The following CEP83 variants were observed in gnomAD, a reference collection of about 807,000 sequenced individuals.
The protein encoded by CEP83 is centrosomal protein 83, also known as centrosomal protein of 83 kDa.
CEP83 carries 70 observed loss-of-function variants against 101.9 expected under a neutral mutation model. That is an observed-to-expected ratio of 0.69 (90% CI 0.57 to 0.84). The LOEUF is 0.84. Among genes scored for constraint, CEP83 ranks in the 40% least tolerant of loss-of-function variants. The probability of loss-of-function intolerance (pLI) is 0.00; values close to 1 mark genes in which losing one functional copy is unlikely to be tolerated. For synonymous variants in CEP83, 264 were observed against 267.9 expected, an observed-to-expected ratio of 0.99 and a Z score of 0.14; for missense variants, 715 against 787.2, an observed-to-expected ratio of 0.91 and a Z score of 1.10.
chr12:94,265,847 C>T, the CEP83 span, among the ~76,000 whole-genome samples: 2 of 152,210 alleles, frequency 1.3e-5, no homozygotes, highest in East Asian at 1.9e-4. Context: ...TCATCCCCAC[C>T]GCACCCACCC....
At chr12:94,457,384 A>G (rs1184250756) in intron 1 of CEP83, among the ~76,000 whole-genome samples, 1 of 152,230 alleles carries the variant, frequency 6.6e-6, no homozygotes, top group Non-Finnish European at 1.5e-5. Context: ...AAGCTCATCT[A>G]CTTTTAGGCA....
At chr12:94,340,139 A>G (rs1165328575) in intron 11 of CEP83, among the ~76,000 whole-genome samples, 2 of 152,256 alleles carry the variant, frequency 1.3e-5, no homozygotes, top group Non-Finnish European at 2.9e-5. Context: ...CAAGAAAAAA[A>G]CAGAAAGCCC....
intron 16 of CEP83, among the ~76,000 whole-genome samples, chr12:94,309,481 A>C (rs1209328229): frequency 6.6e-6 from 1 of 152,184 alleles, no homozygotes; most frequent in Non-Finnish European, 1.5e-5. Context: ...TTCACTCTGA[A>C]TCAGTTTCCT....
intron 2 of CEP83, among the ~76,000 whole-genome samples, chr12:94,418,904 G>C (rs956189581): frequency 6.6e-6 from 1 of 152,098 alleles, no homozygotes; most frequent in African/African-American, 2.4e-5. Context: ...TATATAAAAA[G>C]AGTATTTTAA....
intron 7 of CEP83, 137 bp from the exon 8 acceptor site, chr12:94,376,154 A>C: frequency 4.2e-6 from 2 of 479,852 alleles, no homozygotes; most frequent in Admixed American, 8.8e-5. Context: ...ATGTAACAAA[A>C]ATTTTCTCAA....
chr12:94,322,081 T>C (rs922311651), intron 14 of CEP83, among the ~76,000 whole-genome samples: 29 of 152,004 alleles, frequency 1.9e-4, no homozygotes, highest in African/African-American at 6.8e-4. Flanking sequence ...CAGAACACAC[T>C]AACAGGAGGT....
At chr12:94,384,377 T>G (rs960254952) in intron 6 of CEP83, among the ~76,000 whole-genome samples, 1 of 152,182 alleles carries the variant, frequency 6.6e-6, no homozygotes, top group Non-Finnish European at 1.5e-5. Flanking sequence ...CTATAGTTTT[T>G]TTTTAAACCT....
chr12:94,452,688 G>GGCAGGAATTTT (rs1272458148), intron 1 of CEP83, among the ~76,000 whole-genome samples: 4 of 152,128 alleles, frequency 2.6e-5, no homozygotes, highest in Non-Finnish European at 4.4e-5. Context: ...TCAAAGAAAA[G>GGCAGGAATTTT]GCAGGAATTT....
chr12:94,407,093 C>CA (rs1168837678), intron 4 of CEP83, among the ~76,000 whole-genome samples: 5 of 151,896 alleles, frequency 3.3e-5, no homozygotes, highest in Non-Finnish European at 1.5e-5. Flanking sequence ...AGCACAGAGA[C>CA]AAAAAATACT....
chr12:94,445,556 C>A (rs2066737525), intron 1 of CEP83, among the ~76,000 whole-genome samples: 2 of 152,148 alleles, frequency 1.3e-5, no homozygotes, highest in Non-Finnish European at 2.9e-5. Flanking sequence ...ACAAGATATA[C>A]CAGACTCAGG....
chr12:94,336,667 C>G (rs2059461290), intron 11 of CEP83, among the ~76,000 whole-genome samples: 1 of 152,146 alleles, frequency 6.6e-6, no homozygotes, highest in Admixed American at 6.5e-5. Context: ...CATACAAATG[C>G]CAGAAACGAT....
At chr12:94,340,002 A>G (rs2136602954) in intron 11 of CEP83, among the ~76,000 whole-genome samples, 1 of 152,330 alleles carries the variant, frequency 6.6e-6, no homozygotes, top group East Asian at 1.9e-4. Flanking sequence ...TCTTTTCAAG[A>G]TGGAGTCTAA....
At chr12:94,331,580 A>G (rs1402682307) in intron 14 of CEP83, 120 bp downstream of exon 14, 1 of 804,390 alleles carries the variant, frequency 1.2e-6, no homozygotes, top group East Asian at 2.6e-5. Context: ...TGTGTTAGCC[A>G]GGATGGTCTC....
At chr12:94,384,520 G>C (rs187837482) in intron 6 of CEP83, among the ~76,000 whole-genome samples, 3 of 152,068 alleles carry the variant, frequency 2.0e-5, no homozygotes, top group Non-Finnish European at 4.4e-5. Context: ...TCTCCTTTCA[G>C]GGACAGAAAT....
At chr12:94,349,655 T>C (rs1393582809) in intron 11 of CEP83, among the ~76,000 whole-genome samples, 2 of 152,134 alleles carry the variant, frequency 1.3e-5, no homozygotes, top group Non-Finnish European at 2.9e-5. Flanking sequence ...AAAGCCACAG[T>C]GAGTATCATA....
At chr12:94,335,553 G>GA (rs1374866988) in intron 12 of CEP83, 36 bp downstream of exon 12, 1 of 1,383,964 alleles carries the variant, frequency 7.2e-7, no homozygotes, top group African/African-American at 1.5e-5. Flanking sequence ...AGAAGCACTT[G>GA]AAAAAATAAA....
chr12:94,272,697 T>C, the CEP83 span, among the ~76,000 whole-genome samples: 1 of 152,234 alleles, frequency 6.6e-6, no homozygotes, highest in East Asian at 1.9e-4. Flanking sequence ...TTGAGCCCAC[T>C]GAATCTGGAG....
intron 14 of CEP83, among the ~76,000 whole-genome samples, chr12:94,325,627 T>C (rs73230164): frequency 0.1 from 15,195 of 152,270 alleles, 898 homozygotes; most frequent in Admixed American, 0.15. Context: ...TGATACATAA[T>C]AGATGCTTAA....
Position 94,331,720 on chromosome 12 carries a change from C to T in CEP83, c.1687G>A (p.Ala563Thr). Residue 563 changes from alanine to threonine, a missense_variant, in exon 14 of 17, where the codon GCT becomes ACT. Transcript: ENST00000397809. ...YNQAKEKLQR[A>T]AIAQKKRKSL... is the part of the protein sequence containing the mutation. ...CTTGCCTTTTTCTGGGCAATTGCAGCTCGCTGCAGTTTCTCCTTAGCTTGA... is the reference window on the plus strand; with the variant it reads ...CTTGCCTTTTTCTGGGCAATTGCAGTTCGCTGCAGTTTCTCCTTAGCTTGA... 1.2e-6 allele frequency: 2 copies of T among 1,613,934 alleles called. No individual in the cohort carries two copies. The highest frequency in any genetic ancestry group is 1.7e-6 in the Non-Finnish European group (2 of 1,179,984).
Sources: allele counts gnomAD v4.1 joint callset (sites outside exome capture counted in the v4.1 genomes callset), GRCh38; gene constraint gnomAD v4.1.1; transcripts MANE v1.5; gene names NCBI Gene and HGNC (gene_info 2026-07-23, HGNC 2026-07-21).